Variants in FAAH2 observed in about 807,000 individuals in gnomAD.
The protein encoded by FAAH2 is fatty acid amide hydrolase 2, also known as fatty-acid amide hydrolase 2.
In FAAH2, 60 loss-of-function variants were observed where a neutral mutation model predicts 36.9. The observed-to-expected ratio is 1.63, with a 90% CI of 1.32 to 2.02. FAAH2 has a LOEUF of 2.02. Among genes scored for constraint, FAAH2 ranks in the 30% most tolerant of loss-of-function variants. The pLI, the probability that FAAH2 is intolerant of heterozygous loss-of-function variation, is 0.00. For missense variants in FAAH2, 689 were observed against 397.5 expected (o/e 1.73, Z -6.23); for synonymous variants, 214 against 143.8 (o/e 1.49, Z -3.49).
the FAAH2 span, among the ~76,000 whole-genome samples, chrX:57,179,718 A>G: frequency 3.6e-5 from 4 of 111,763 alleles, no homozygotes; most frequent in East Asian, 1.1e-3. Context: ...ATCAAGGCCC[A>G]GAATTAACAA....
At chrX:57,472,721 G>C (rs1317311380) in intron 10 of FAAH2, among the ~76,000 whole-genome samples, 1 of 110,474 alleles carries the variant, frequency 9.1e-6, no homozygotes, top group Non-Finnish European at 1.9e-5. Context: ...GGTCTGTTCA[G>C]GTTTTCTATT....
Position 57,411,080 on chromosome X carries a change from G to GA in FAAH2, c.997-20836dup, listed in dbSNP as rs2055687396. On this transcript the variant is annotated intron_variant, in intron 7 of 10. Transcript: ENST00000374900. ...TCTACTGTTTATAACAGGCTTTGGG[G>GA]AAGAAAGATCTTTACCAGTGAGCCC... 3.6e-5 allele frequency among the ~76,000 whole-genome samples: 4 copies of GA among 111,901 alleles called. No homozygotes were observed. In the South Asian group the frequency reaches 1.5e-3, roughly 41 times the overall value.
the FAAH2 span, among the ~76,000 whole-genome samples, chrX:57,178,070 C>G: frequency 9.0e-6 from 1 of 111,633 alleles, no homozygotes; most frequent in Non-Finnish European, 1.9e-5. Flanking sequence ...AGAGTGTTTA[C>G]AAGGAATCCA....
At chrX:57,232,652 T>C in the FAAH2 span, among the ~76,000 whole-genome samples, 3 of 112,464 alleles carry the variant, frequency 2.7e-5, no homozygotes, top group African/African-American at 9.7e-5. Context: ...TTCAATTCTG[T>C]ATTTATATTC....
the FAAH2 span, among the ~76,000 whole-genome samples, chrX:57,189,117 T>C: frequency 3.6e-5 from 4 of 110,968 alleles, no homozygotes; most frequent in Non-Finnish European, 7.5e-5. Flanking sequence ...TTTTCCTTCA[T>C]GACTTATTTT....
the FAAH2 span, among the ~76,000 whole-genome samples, chrX:57,257,999 A>G: frequency 8.9e-6 from 1 of 111,921 alleles, no homozygotes; most frequent in Admixed American, 9.5e-5. Flanking sequence ...TCAATTTTGA[A>G]CAAGAATAAC....
intron 7 of FAAH2, among the ~76,000 whole-genome samples, chrX:57,398,551 T>C (rs1181059568): frequency 2.7e-5 from 3 of 111,303 alleles, no homozygotes; most frequent in Non-Finnish European, 5.7e-5. Flanking sequence ...TTTAACTTTT[T>C]TTTTTTTTGC....
Position 57,489,092 on chromosome X carries a change from C to A in FAAH2, c.*160C>A. ...TTTCTACTTTTATTTCCTTCTCTAA[C>A]TGTTGGTCTTACTAAAATGGTAATA... On this transcript the variant is annotated 3_prime_UTR_variant, in exon 11 of 11. Transcript: ENST00000374900. The A allele has an allele frequency of 3.7e-6, 2 of 541,895 alleles. No individual in the cohort carries two copies. Among genetic ancestry groups the A allele is most frequent in the Non-Finnish European group, 5.4e-6 (2 of 367,197 alleles). 44.7% of individuals were successfully genotyped at this position (541,895 alleles called of 1,213,427 possible).
At chrX:57,148,810 G>A in the FAAH2 span, among the ~76,000 whole-genome samples, 1 of 111,484 alleles carries the variant, frequency 9.0e-6, no homozygotes, top group African/African-American at 3.3e-5. Context: ...AATAGGAGTG[G>A]TGAGAGAGGG....
At chrX:57,376,424 CCACT>C (rs2054680226) in intron 5 of FAAH2, among the ~76,000 whole-genome samples, 2 of 110,822 alleles carry the variant, frequency 1.8e-5, no homozygotes, top group African/African-American at 3.3e-5. Context: ...GTGTGATATT[CCACT>C]CCCTGTGCCC....
At chrX:57,428,363 T>C (rs1351922599) in intron 7 of FAAH2, among the ~76,000 whole-genome samples, 1 of 90,852 alleles carries the variant, frequency 1.1e-5, no homozygotes. Context: ...AAAATACCAA[T>C]GTAATTTTGC....
chrX:57,383,708 T>C (rs2054924269), intron 7 of FAAH2, among the ~76,000 whole-genome samples: 1 of 112,018 alleles, frequency 8.9e-6, no homozygotes, highest in Non-Finnish European at 1.9e-5. Flanking sequence ...TCCATGCTCA[T>C]GGATAGGAAA....
the FAAH2 span, among the ~76,000 whole-genome samples, chrX:57,272,601 T>A: frequency 1.8e-5 from 2 of 111,825 alleles, no homozygotes; most frequent in African/African-American, 6.5e-5. Context: ...GTGCCAATAT[T>A]TGGTGTTCTC....
the FAAH2 span, among the ~76,000 whole-genome samples, chrX:57,195,194 C>T: frequency 2.7e-5 from 3 of 111,967 alleles, no homozygotes; most frequent in South Asian, 1.1e-3. Flanking sequence ...CATACTGTTT[C>T]CCATAGTGAT....
the FAAH2 span, among the ~76,000 whole-genome samples, chrX:57,228,771 T>G: frequency 8.9e-6 from 1 of 111,875 alleles, no homozygotes; most frequent in African/African-American, 3.3e-5. Context: ...TAACAAAACT[T>G]TGCTCCATGA....
chrX:57,430,973 C>A (rs1026520514), intron 7 of FAAH2, among the ~76,000 whole-genome samples: 1 of 111,645 alleles, frequency 9.0e-6, no homozygotes, highest in Non-Finnish European at 1.9e-5. Context: ...CAAGGCAGGA[C>A]TGGAATTTCA....
chrX:57,412,240 G>A (rs1175787701), intron 7 of FAAH2, among the ~76,000 whole-genome samples: 1 of 110,980 alleles, frequency 9.0e-6, no homozygotes, highest in Non-Finnish European at 1.9e-5. Context: ...TTAAGTTCTG[G>A]GATACATGTA....
chrX:57,169,867 T>C, the FAAH2 span, among the ~76,000 whole-genome samples: 13 of 105,866 alleles, frequency 1.2e-4, no homozygotes, highest in African/African-American at 4.2e-4. Flanking sequence ...TCTCTCCTTC[T>C]AAACACACAC....
intron 5 of FAAH2, among the ~76,000 whole-genome samples, chrX:57,371,834 G>C (rs961339865): frequency 1.8e-5 from 2 of 111,430 alleles, no homozygotes; most frequent in East Asian, 2.8e-4. Flanking sequence ...AGTGTCTACT[G>C]TTCCTATCAT....
Sources: allele counts gnomAD v4.1 joint callset (sites outside exome capture counted in the v4.1 genomes callset), GRCh38; gene constraint gnomAD v4.1.1; transcripts MANE v1.5; gene names NCBI Gene and HGNC (gene_info 2026-07-23, HGNC 2026-07-21).